Variants in GRM7 observed in about 807,000 individuals in gnomAD.
The protein encoded by GRM7 is glutamate metabotropic receptor 7, also known as metabotropic glutamate receptor 7.
In GRM7, 35 loss-of-function variants were observed where a neutral mutation model predicts 84.5. That is an observed-to-expected ratio of 0.41 (90% CI 0.32 to 0.55). GRM7 has a LOEUF of 0.55. Ranked by LOEUF, GRM7 falls within the 20% of genes least tolerant of loss-of-function variation. The pLI, the probability that GRM7 is intolerant of heterozygous loss-of-function variation, is 0.19. For missense variants in GRM7, 1,003 were observed against 1,194.6 expected (o/e 0.84, Z 2.36); for synonymous variants, 487 against 455.1 (o/e 1.07, Z -0.89).
intron 7 of GRM7, among the ~76,000 whole-genome samples, chr3:7,574,687 C>T (rs1268548420): frequency 1.3e-5 from 2 of 152,200 alleles, no homozygotes; most frequent in Non-Finnish European, 2.9e-5. Flanking sequence ...GAGCTTCTCA[C>T]AGGAATTTTC....
intron 1 of GRM7, among the ~76,000 whole-genome samples, chr3:6,915,167 T>TATG (rs150378449): frequency 0.059 from 8,950 of 152,264 alleles, 879 homozygotes; most frequent in African/African-American, 0.2. Context: ...GTCACGCTTT[T>TATG]ATGATTTTGT....
chr3:7,725,468 T>C (rs1195881861), intron 9 of GRM7, among the ~76,000 whole-genome samples: 1 of 152,102 alleles, frequency 6.6e-6, no homozygotes, highest in East Asian at 1.9e-4. Context: ...TTCTCCATCC[T>C]TTGAATAAAT....
In GRM7 at chr3:7,215,493, T is replaced by C. The variant is rs373436904; in HGVS notation, c.736+68825T>C. On this transcript the variant is annotated intron_variant, in intron 2 of 9. Transcript: ENST00000357716. ...CCCTGGCTAACACAGTGAAACCCCG[T>C]CTCTACTAAAAATACAAAAAAATTA... is the stretch of plus-strand genomic sequence containing the variant. Among the ~76,000 whole-genome samples the C allele has an allele frequency of 3.1e-3, 477 of 151,950 alleles. 9 individuals carry two copies. The South Asian group carries it at 0.037, about 12-fold the overall frequency.
At chr3:7,533,113 C>G (rs186138017) in intron 7 of GRM7, among the ~76,000 whole-genome samples, 9 of 152,170 alleles carry the variant, frequency 5.9e-5, no homozygotes, top group Middle Eastern at 3.4e-3. Context: ...CAAGGATATT[C>G]CAGACTTGAA....
intron 1 of GRM7, among the ~76,000 whole-genome samples, chr3:7,037,098 C>T (rs1696415494): frequency 6.6e-6 from 1 of 152,004 alleles, no homozygotes; most frequent in Non-Finnish European, 1.5e-5. Context: ...TACCTTTGGC[C>T]TTCGGTGAAT....
At chr3:7,423,897 T>C (rs1157523488) in intron 5 of GRM7, among the ~76,000 whole-genome samples, 4 of 152,126 alleles carry the variant, frequency 2.6e-5, no homozygotes, top group Non-Finnish European at 4.4e-5. Context: ...CTTTAAATAG[T>C]ATTTATTGTT....
chr3:6,862,613 C>T lies in GRM7; in HGVS notation c.519+706C>T, dbSNP rs1325975441. ...CACCGTCTAAATTACATGTGCGATC[C>T]GGCCACTGGCCGGAGCTGGGCGATC... On this transcript the variant is annotated intron_variant, in intron 1 of 9. Transcript: ENST00000357716. This position sits in a 1 kb window ranked among gnomAD's most constrained non-coding sequence, Gnocchi z 5.2. 3.0e-5 allele frequency: 6 copies of T among 197,068 alleles called. No individual in the cohort carries two copies. The highest frequency in any genetic ancestry group is 9.5e-5 in the African/African-American group (4 of 41,968). The allele number at this position is 197,068 out of a possible 1,614,324, so 12.2% of individuals were successfully genotyped here. A position where few individuals can be genotyped will look rare whatever the true frequency, so the allele number is the denominator to read the frequency against.
intron 9 of GRM7, among the ~76,000 whole-genome samples, chr3:7,692,063 A>C (rs930990059): frequency 6.6e-6 from 1 of 152,164 alleles, no homozygotes; most frequent in Admixed American, 6.6e-5. Context: ...AGGATTGCCA[A>C]TAAAGTCAGG....
chr3:6,967,102 T>C (rs1257883253), intron 1 of GRM7, among the ~76,000 whole-genome samples: 1 of 152,252 alleles, frequency 6.6e-6, no homozygotes, highest in African/African-American at 2.4e-5. Context: ...TTATTGACTT[T>C]CAACCAGTGT....
intron 1 of GRM7, among the ~76,000 whole-genome samples, chr3:7,015,208 T>A (rs1186472138): frequency 1.3e-5 from 2 of 150,878 alleles, no homozygotes; most frequent in East Asian, 4.0e-4. Context: ...TCTTTCACAA[T>A]AAGTCTTGCT....
chr3:7,512,061 C>G (rs1185085544), intron 7 of GRM7, among the ~76,000 whole-genome samples: 1 of 152,078 alleles, frequency 6.6e-6, no homozygotes, highest in Non-Finnish European at 1.5e-5. Flanking sequence ...GGGAGGATCA[C>G]TTGAACCCAG....
intron 1 of GRM7, among the ~76,000 whole-genome samples, chr3:7,138,766 C>T (rs1252495831): frequency 6.6e-6 from 1 of 151,042 alleles, no homozygotes; most frequent in Non-Finnish European, 1.5e-5. Context: ...TACCATATAT[C>T]TATATGGTAA....
intron 4 of GRM7, among the ~76,000 whole-genome samples, chr3:7,372,601 C>A (rs950340435): frequency 6.6e-6 from 1 of 152,122 alleles, no homozygotes; most frequent in Non-Finnish European, 1.5e-5. Context: ...TATTTATAGT[C>A]TGTTGCAGGA....
At chr3:7,168,780 T>C (rs189725243) in intron 2 of GRM7, among the ~76,000 whole-genome samples, 148 of 152,298 alleles carry the variant, frequency 9.7e-4, no homozygotes, top group African/African-American at 3.5e-3. Flanking sequence ...AGAAGTGTCA[T>C]TGAGTAACTA....
Position 6,997,861 on chromosome 3 carries a change from T to A in GRM7, c.519+135954T>A, listed in dbSNP as rs546416798. 2.6e-5 allele frequency among the ~76,000 whole-genome samples: 4 copies of A among 152,058 alleles called. No individual in the cohort carries two copies. The East Asian group carries it at 5.8e-4, about 22-fold the overall frequency. On this transcript the variant is annotated intron_variant, in intron 1 of 9. Transcript: ENST00000357716. ...CAAAAGCAAGTTAGGGCCAGGTGTC[T>A]GTAATCCCAGCACTTTGGGAGGCTG...
intron 2 of GRM7, among the ~76,000 whole-genome samples, chr3:7,171,566 A>G (rs1221579459): frequency 6.6e-6 from 1 of 152,174 alleles, no homozygotes; most frequent in Non-Finnish European, 1.5e-5. Flanking sequence ...AGTGATGTCT[A>G]TCTGCATAAA....
At chr3:7,050,172 A>G (rs1696941894) in intron 1 of GRM7, among the ~76,000 whole-genome samples, 1 of 151,904 alleles carries the variant, frequency 6.6e-6, no homozygotes, top group Non-Finnish European at 1.5e-5. Context: ...ACAAGCACAA[A>G]CTACATGTTC....
rs187230674 is a variant in GRM7 at position 7,504,213 on chromosome 3, C to T, written c.1515+42491C>T. On this transcript the variant is annotated intron_variant, in intron 7 of 9. Transcript: ENST00000357716. ...TATTATCACAAGTGACTGAGAAGAA[C>T]GAGAATAAGGAGAGACCAGGGCACA... 9.2e-5 allele frequency among the ~76,000 whole-genome samples: 14 copies of T among 152,222 alleles called. No homozygotes were observed. The East Asian group carries it at 1.5e-3, about 17-fold the overall frequency.
chr3:6,937,827 G>A (rs1053580580), intron 1 of GRM7, among the ~76,000 whole-genome samples: 1 of 152,186 alleles, frequency 6.6e-6, no homozygotes, highest in African/African-American at 2.4e-5. Context: ...TGGCAAGCTT[G>A]TTGTTGTGGT....
Sources: gnomAD v4.1 joint callset for allele counts (sites outside exome capture counted in the v4.1 genomes callset) on GRCh38, gnomAD v4.1.1 for gene constraint, Gnocchi (gnomAD v3.1) non-coding constraint, MANE v1.5 for transcripts, NCBI Gene and HGNC (gene_info 2026-07-23, HGNC 2026-07-21) for gene names.